RIF1: variants seen among roughly 807,000 people sequenced by gnomAD.
RIF1 encodes telomere-associated protein RIF1.
A neutral mutation model predicts 247.1 loss-of-function variants in RIF1; 45 were observed. That is an observed-to-expected ratio of 0.18 (90% CI 0.14 to 0.23). RIF1 has a LOEUF of 0.23. RIF1 is among the 10% of genes least tolerant of loss of function. RIF1 has a pLI of 1.00. For missense variants in RIF1, 2,967 were observed against 2,862.5 expected, an observed-to-expected ratio of 1.04 and a Z score of -0.83; for synonymous variants, 1,087 against 978.8, an observed-to-expected ratio of 1.11 and a Z score of -2.06.
chr2:151,474,827 T>C, intron 35 of RIF1, 30 bp from the exon 36 acceptor site: 1 of 1,281,768 alleles, frequency 7.8e-7, no homozygotes, highest in Non-Finnish European at 1.1e-6. Context: ...CTGGTATAGA[T>C]TTAATTGTGG....
Position 151,463,927 on chromosome 2 carries a change from T to G in RIF1, c.4407T>G (p.Ile1469Met). The change falls in exon 30 of 36, where the codon ATT becomes ATG. Residue 1469 changes from isoleucine (I) to methionine (M), a missense_variant. Physicochemically the swap from Ile to Met is conservative, Grantham distance 10. Around this residue, in one of 7 missense-constraint regions of RIF1, gnomAD observed 2,028 missense variants for 1,825.6 expected, o/e 1.11. Coordinates refer to ENST00000444746, the MANE Select transcript of RIF1 (RefSeq NM_018151.5). ...ATGTGTTACCTAAACAAAAACTGAT[T>G]GCTGAACAAACTCTACAGGAGAATT... ...KDDVLPKQKL[I>M]AEQTLQENLI... The G allele has an allele frequency of 1.2e-6, 2 of 1,613,410 alleles. No individual in the cohort carries two copies. Among genetic ancestry groups the G allele is most frequent in the South Asian group, 1.1e-5 (1 of 90,888 alleles).
At position 151,464,214 on chromosome 2, in the gene RIF1, GGAA is replaced by G. The variant is rs1696589033; in HGVS notation, c.4700_4702del (p.Lys1567del). 1 of 1,613,530 alleles carries G rather than the reference GGAA, an allele frequency of 6.2e-7. No individual in the cohort carries two copies. Among genetic ancestry groups the G allele is most frequent in the African/African-American group, 1.3e-5 (1 of 74,888 alleles). On this transcript the variant is annotated inframe_deletion, in exon 30 of 36. Coordinates refer to ENST00000444746, the MANE Select transcript of RIF1 (RefSeq NM_018151.5). The stretch of plus-strand genomic sequence containing the variant: ...TCGGAGGCAAAAGAAGAAGGTTCTA[GGAA>G]GAAGAGATCTGGAAAATGGAAAAAC...
intron 3 of RIF1, among the ~76,000 whole-genome samples, chr2:151,412,858 C>T (rs1686500996): frequency 6.6e-6 from 1 of 152,094 alleles, no homozygotes; most frequent in Admixed American, 6.6e-5. Flanking sequence ...AACAGAGATA[C>T]TGCCTACTCT....
chr2:151,534,180 C>T, the RIF1 span: 1 of 1,509,582 alleles, frequency 6.6e-7, no homozygotes, highest in Non-Finnish European at 9.2e-7. Flanking sequence ...GGAGCACAGT[C>T]CTGCCTGGGC....
At chr2:151,418,126 A>G (rs1374076720) in intron 6 of RIF1, among the ~76,000 whole-genome samples, 1 of 152,324 alleles carries the variant, frequency 6.6e-6, no homozygotes, top group East Asian at 1.9e-4. Flanking sequence ...ACTGTGCACT[A>G]TTGCAGATTT....
At position 151,479,635 on chromosome 2, in the gene RIF1, T is replaced by C. The variant is rs1039674689; in HGVS notation, c.*4564T>C. On this transcript the variant is annotated 3_prime_UTR_variant, in exon 36 of 36. Coordinates refer to ENST00000444746, the MANE Select transcript of RIF1 (RefSeq NM_018151.5). ...CCTCTGGTCACTTAATTTTCTGTTA[T>C]ATTATGTGGTTGAAAATTCCTGTTT... The C allele has an allele frequency of 3.3e-5, 5 of 152,224 alleles. No homozygotes were observed. Among genetic ancestry groups the C allele is most frequent in the African/African-American group, 4.8e-5 (2 of 41,460 alleles). 9.4% of individuals were successfully genotyped at this position (152,224 alleles called of 1,614,324 possible). A position where few individuals can be genotyped will look rare whatever the true frequency, so the allele number is the denominator to read the frequency against.
chr2:151,428,501 A>AAATGTTTTTAGAAATTTAGAACAGCAAC (rs1689505240), intron 8 of RIF1, among the ~76,000 whole-genome samples: 1 of 151,850 alleles, frequency 6.6e-6, no homozygotes, highest in Non-Finnish European at 1.5e-5. Context: ...TCTGTTTTAG[A>AAATGTTTTTAGAAATTTAGAACAGCAAC]AATGTTCTGT....
chr2:151,443,584 C>T lies in RIF1; in HGVS notation c.1861C>T (p.Pro621Ser). The T allele has an allele frequency of 6.2e-7, 1 of 1,611,748 alleles. No homozygotes were observed. Among genetic ancestry groups the T allele is most frequent in the African/African-American group, 1.3e-5 (1 of 74,944 alleles). The change falls in exon 18 of 36, where the codon CCA (proline) becomes TCA (serine). Residue 621 changes from proline to serine, a missense_variant. Physicochemically the swap from Pro to Ser is moderately conservative, Grantham distance 74 (BLOSUM62 -1). Around this residue, in one of 7 missense-constraint regions of RIF1, gnomAD observed 369 missense variants for 322.0 expected, o/e 1.15. Coordinates refer to ENST00000444746, the MANE Select transcript of RIF1 (RefSeq NM_018151.5). ...VGCVLSGPTSPLAFSDSVLNV... is the reference protein window; with the variant it reads ...VGCVLSGPTSSLAFSDSVLNV... ...CTGTGTTCTTTCTGGTCCAACTTCA[C>T]CACTAGCTTTCAGTGACTCAGTTTT...
chr2:151,520,335 G>A, the RIF1 span, among the ~76,000 whole-genome samples: 216 of 152,240 alleles, frequency 1.4e-3, 1 homozygote, highest in African/African-American at 5.0e-3. Context: ...GGGGGTTAAT[G>A]GCTTCAAGTG....
At chr2:151,461,360 C>A in intron 27 of RIF1, 71 bp downstream of exon 27, 1 of 1,382,394 alleles carries the variant, frequency 7.2e-7, no homozygotes, top group Non-Finnish European at 1.0e-6. Context: ...AAAAGTGTAA[C>A]TTTGTGTTTA....
At chr2:151,493,328 ATTTC>A in intron 9 of RIF1, 1 of 1,538,700 alleles carries the variant, frequency 6.5e-7, no homozygotes. Flanking sequence ...TTGTTGCACT[ATTTC>A]TTTTTAGTCC....
chr2:151,533,568 A>T, the RIF1 span: 1 of 1,467,276 alleles, frequency 6.8e-7, no homozygotes, highest in Non-Finnish European at 9.3e-7. Context: ...AAGAGCAGTG[A>T]AGCACAAAAG....
At chr2:151,531,111 CA>C in the RIF1 span, 1 of 1,556,972 alleles carries the variant, frequency 6.4e-7, no homozygotes, top group African/African-American at 1.4e-5. Flanking sequence ...TCTGAAAGAT[CA>C]AAAAGCAGAA....
rs760060798 is a variant in RIF1 at position 151,462,227 on chromosome 2, T to C, written c.3228-15T>C. On this transcript the variant is annotated splice_polypyrimidine_tract_variant and intron_variant, in intron 27 of 35. Coordinates refer to ENST00000444746, the MANE Select transcript of RIF1 (RefSeq NM_018151.5). Reference sequence around the variant, plus strand: ...CATCCGGTTTTTGAAGTTACTTATATATAGTTTTTTTCAGGTGTGATATTC... The same window carrying C: ...CATCCGGTTTTTGAAGTTACTTATACATAGTTTTTTTCAGGTGTGATATTC... The C allele has an allele frequency of 1.3e-4, 197 of 1,507,950 alleles. No homozygotes were observed. Among genetic ancestry groups the C allele is most frequent in the Non-Finnish European group, 1.7e-4 (192 of 1,103,036 alleles). The allele number at this position is 1,507,950 out of a possible 1,614,324, so 93.4% of individuals were successfully genotyped here.
intron 30 of RIF1, among the ~76,000 whole-genome samples, chr2:151,467,784 CAG>C (rs10587174): frequency 9.2e-4 from 140 of 152,164 alleles, no homozygotes; most frequent in African/African-American, 3.2e-3. Context: ...TGGTATTATG[CAG>C]AGACAGTTTA....
chr2:151,445,292 G>T, intron 18 of RIF1, 46 bp from the exon 19 acceptor site: 1 of 1,071,768 alleles, frequency 9.3e-7, no homozygotes, highest in South Asian at 1.3e-5. Flanking sequence ...CTTAGGATTA[G>T]AATAAGATGG....
chr2:151,410,519 T>A lies in RIF1; in HGVS notation c.96T>A (p.Thr32=), dbSNP rs149800665. The A allele has an allele frequency of 1.3e-5, 21 of 1,612,208 alleles. No homozygotes were observed. The African/African-American group carries it at 2.4e-4, about 18-fold the overall frequency. ...SHGGQTDAYL[T]LTSRMTGEEG... is the part of the protein sequence containing the mutation. ...GAGGGCAGACTGACGCTTACCTGACTCTGACCAGGTGAGGTCCGCCACGGG... is the reference window on the plus strand; with the variant it reads ...GAGGGCAGACTGACGCTTACCTGACACTGACCAGGTGAGGTCCGCCACGGG... The change falls in exon 2 of 36, where the codon ACT becomes ACA. Residue 32 remains threonine (T), a synonymous_variant. Transcript: ENST00000444746.
the RIF1 span, among the ~76,000 whole-genome samples, chr2:151,533,757 G>C: frequency 6.6e-6 from 1 of 152,186 alleles, no homozygotes. Flanking sequence ...CTTGTGAATG[G>C]GGAATGATAC....
At chr2:151,423,231 A>G (rs893891348) in intron 8 of RIF1, 189 bp downstream of exon 8, 2 of 513,430 alleles carry the variant, frequency 3.9e-6, no homozygotes, top group African/African-American at 4.1e-5. Context: ...TTTCATTTGT[A>G]GACACCCAAA....
Sources: allele counts gnomAD v4.1 joint callset (sites outside exome capture counted in the v4.1 genomes callset), GRCh38; gene constraint gnomAD v4.1.1; regional missense constraint gnomAD v4.1.1; transcripts MANE v1.5; gene names NCBI Gene and HGNC (gene_info 2026-07-23, HGNC 2026-07-21).